The following C2orf76 variants were observed in gnomAD, a reference collection of about 807,000 sequenced individuals.
C2orf76 encodes the protein UPF0538 protein C2orf76.
C2orf76 carries 23 observed loss-of-function variants against 16.9 expected under a neutral mutation model. The observed-to-expected ratio is 1.36, with a 90% confidence interval of 0.98 to 1.93. The LOEUF (loss-of-function observed/expected upper bound fraction) is 1.93. Ranked by LOEUF, C2orf76 falls within the 30% of genes most tolerant of loss-of-function variation. The pLI, the probability that C2orf76 is intolerant of heterozygous loss-of-function variation, is 0.00. For synonymous variants in C2orf76, 48 were observed against 52.3 expected, an observed-to-expected ratio of 0.92 and a Z score of 0.35; for missense variants, 152 against 152.6, an observed-to-expected ratio of 1.00 and a Z score of 0.02.
chr2:119,336,384 T>C (rs1004113200), intron 2 of C2orf76, among the ~76,000 whole-genome samples: 1 of 152,138 alleles, frequency 6.6e-6, no homozygotes, highest in African/African-American at 2.4e-5. Context: ...AGCGAGACTC[T>C]GTCTCAAAAT....
intron 2 of C2orf76, among the ~76,000 whole-genome samples, chr2:119,336,803 C>T (rs914257477): frequency 1.3e-5 from 2 of 152,146 alleles, no homozygotes; most frequent in Non-Finnish European, 2.9e-5. Context: ...CTATGTCAGA[C>T]AATCTCTTTA....
rs1366421746 is a variant in C2orf76, at chr2:119,321,139, T to TA, written c.184+14dup. On this transcript the variant is annotated intron_variant, in intron 3 of 5. Coordinates refer to ENST00000334816, the MANE Select transcript of C2orf76 (RefSeq NM_001322331.2). ...TGTATTTATATATATTTTAAAAGAA[T>TA]AAAAAAATGGTTACCATATTTATAA... is the stretch of plus-strand genomic sequence containing the variant. 8.2e-6 allele frequency: 11 copies of TA among 1,345,234 alleles called. No homozygotes were observed. Among genetic ancestry groups the TA allele is most frequent in the Non-Finnish European group, 1.0e-5 (10 of 984,890 alleles). 83.3% of individuals were successfully genotyped at this position (1,345,234 alleles called of 1,614,324 possible). A position where few individuals can be genotyped will look rare whatever the true frequency, so the allele number is the denominator to read the frequency against.
At chr2:119,293,908 T>A in the C2orf76 span, among the ~76,000 whole-genome samples, 133 of 152,290 alleles carry the variant, frequency 8.7e-4, 1 homozygote, top group African/African-American at 3.1e-3. Context: ...GAGTGTGTTA[T>A]CATCTGAGGC....
chr2:119,366,594 G>C, intron 1 of C2orf76, 196 bp downstream of exon 1: 1 of 451,074 alleles, frequency 2.2e-6, no homozygotes, highest in East Asian at 7.0e-5. Flanking sequence ...GAGTTTACTT[G>C]TCCAGAGATG....
intron 2 of C2orf76, among the ~76,000 whole-genome samples, chr2:119,323,823 G>A (rs1679424464): frequency 6.6e-6 from 1 of 152,108 alleles, no homozygotes; most frequent in Non-Finnish European, 1.5e-5. Context: ...AGGAACATGA[G>A]CCTGGAGTGG....
chr2:119,332,745 G>A (rs1679717104), intron 2 of C2orf76, among the ~76,000 whole-genome samples: 1 of 152,036 alleles, frequency 6.6e-6, no homozygotes, highest in Admixed American at 6.6e-5. Context: ...GTTTTGTTTT[G>A]TTTGAGTCAG....
At chr2:119,304,266 T>C (rs1678708003) in intron 5 of C2orf76, among the ~76,000 whole-genome samples, 1 of 152,234 alleles carries the variant, frequency 6.6e-6, no homozygotes, top group Non-Finnish European at 1.5e-5. Context: ...ATCTGTGATG[T>C]GCTATTTACA....
chr2:119,351,765 A>T (rs993129160), intron 1 of C2orf76, among the ~76,000 whole-genome samples: 1 of 152,186 alleles, frequency 6.6e-6, no homozygotes, highest in Non-Finnish European at 1.5e-5. Context: ...GTCTCAAAAA[A>T]AAAAAAGCAT....
the C2orf76 span, among the ~76,000 whole-genome samples, chr2:119,282,502 A>G: frequency 9.2e-5 from 14 of 152,146 alleles, no homozygotes; most frequent in African/African-American, 3.1e-4. Flanking sequence ...TCATGCATTT[A>G]TTCTTTAGCC....
chr2:119,299,217 C>T (rs75864481), downstream of C2orf76, among the ~76,000 whole-genome samples: 5,964 of 152,246 alleles, frequency 0.039, 127 homozygotes, highest in South Asian at 0.09. Context: ...TGCACCCAGC[C>T]GCAGCCTCTT....
chr2:119,290,307 C>T, the C2orf76 span, among the ~76,000 whole-genome samples: 2 of 152,018 alleles, frequency 1.3e-5, no homozygotes, highest in Admixed American at 1.3e-4. Context: ...GCATTTAACA[C>T]AGAAGCCATA....
intron 1 of C2orf76, among the ~76,000 whole-genome samples, chr2:119,360,477 C>CAAAAAAAAAAAAAAAAAAA (rs770401400): frequency 1.5e-5 from 1 of 66,898 alleles, no homozygotes; most frequent in Non-Finnish European, 2.8e-5. Context: ...AACTCTGTCT[C>CAAAAAAAAAAAAAAAAAAA]AAAAAAAAAA....
At chr2:119,296,982 T>A in the C2orf76 span, among the ~76,000 whole-genome samples, 1 of 152,178 alleles carries the variant, frequency 6.6e-6, no homozygotes, top group African/African-American at 2.4e-5. Context: ...ACTTATCAGA[T>A]CTTAGGCCTT....
chr2:119,322,038 A>C (rs1679360719), intron 2 of C2orf76, among the ~76,000 whole-genome samples: 1 of 152,178 alleles, frequency 6.6e-6, no homozygotes. Flanking sequence ...TATTCTTTTA[A>C]AAACATATTC....
Position 119,317,258 on chromosome 2 carries a change from C to T in C2orf76, c.222+208G>A, listed in dbSNP as rs111301187. On this transcript the variant is annotated intron_variant, in intron 4 of 5. Coordinates refer to ENST00000334816, the MANE Select transcript of C2orf76 (RefSeq NM_001322331.2). ...TATGGTATACTTTTTTTAATTAACA[C>T]TTTTTTAAAAAGGACCTACTACTAA... 1.8e-3 allele frequency among the ~76,000 whole-genome samples: 271 copies of T among 152,012 alleles called. 7 individuals are homozygous for T. Among genetic ancestry groups the T allele is most frequent in the South Asian group, 0.011 (51 of 4,810 alleles).
intron 2 of C2orf76, among the ~76,000 whole-genome samples, chr2:119,335,297 T>C (rs1025534369): frequency 6.6e-6 from 1 of 152,160 alleles, no homozygotes; most frequent in Non-Finnish European, 1.5e-5. Flanking sequence ...CTAGTAGCAA[T>C]GAACACATCT....
intron 2 of C2orf76, among the ~76,000 whole-genome samples, chr2:119,323,189 A>AT (rs57919303): frequency 0.29 from 41,651 of 141,558 alleles, 6,121 homozygotes; most frequent in African/African-American, 0.38. Context: ...TAGTCCCGGC[A>AT]TTTTTTTTTT....
At chr2:119,317,140 C>T (rs1220570452) in intron 4 of C2orf76, among the ~76,000 whole-genome samples, 2 of 152,124 alleles carry the variant, frequency 1.3e-5, no homozygotes, top group Admixed American at 6.5e-5. Context: ...ACTGGATTGC[C>T]AGATAATAAG....
chr2:119,334,368 T>C (rs1202182627), intron 2 of C2orf76, among the ~76,000 whole-genome samples: 2 of 99,860 alleles, frequency 2.0e-5, no homozygotes, highest in South Asian at 3.1e-4. Context: ...TGAACCTCAA[T>C]GTATGCAAAG....
Sources: allele counts gnomAD v4.1 joint callset (sites outside exome capture counted in the v4.1 genomes callset), GRCh38; gene constraint gnomAD v4.1.1; transcripts MANE v1.5; gene names NCBI Gene and HGNC (gene_info 2026-07-23, HGNC 2026-07-21).